The following LAMA2 variants were observed in gnomAD, a reference collection of about 807,000 sequenced individuals.
The protein encoded by LAMA2 is laminin subunit alpha-2.
LAMA2 carries 269 observed loss-of-function variants against 364.8 expected under a neutral mutation model. The observed-to-expected ratio is 0.74, with a 90% confidence interval of 0.67 to 0.82. The LOEUF is 0.82. LAMA2 is among the 40% of genes least tolerant of loss of function. The pLI, the probability that LAMA2 is intolerant of heterozygous loss-of-function variation, is 0.00. For synonymous variants in LAMA2, 1,379 were observed against 1,370.6 expected, an observed-to-expected ratio of 1.01 and a Z score of -0.14; for missense variants, 3,807 against 3,873.2, an observed-to-expected ratio of 0.98 and a Z score of 0.45.
chr6:129,154,327 G>A (rs1210510983), intron 7 of LAMA2, among the ~76,000 whole-genome samples, 178 bp from the exon 8 acceptor site: 3 of 152,048 alleles, frequency 2.0e-5, no homozygotes, highest in African/African-American at 4.8e-5. Context: ...CAGGAGGATT[G>A]CTTGAACCTG....
chr6:129,229,851 G>T (rs1784566749), intron 12 of LAMA2, among the ~76,000 whole-genome samples: 1 of 152,138 alleles, frequency 6.6e-6, no homozygotes, highest in African/African-American at 2.4e-5. Context: ...GAAGACTGTG[G>T]TAAAAACAAA....
At position 129,320,630 on chromosome 6, in the gene LAMA2, T is replaced by G; in HGVS notation, c.4151T>G (p.Leu1384Arg). The G allele has an allele frequency of 6.2e-7, 1 of 1,611,330 alleles. No individual in the cohort carries two copies. Among genetic ancestry groups the G allele is most frequent in the East Asian group, 2.2e-5 (1 of 44,856 alleles). Residue 1384 changes from leucine to arginine, a missense_variant, in exon 28 of 65, where the codon CTG becomes CGG. By Grantham distance (102) the Leu-to-Arg change is moderately radical. Around this residue, in one of 3 missense-constraint regions of LAMA2, gnomAD observed 3,333 missense variants for 3,345.7 expected, o/e 1.00. Transcript: ENST00000421865. ...TTGATTGAAAAATGTGATTGTCCCC[T>G]GGGCTATTCTGGCCTGTCCTGTGAG... ...ADLIEKCDCP[L>R]GYSGLSCEAC... is the part of the protein sequence containing the mutation.
chr6:129,091,752 A>G (rs913307378), intron 3 of LAMA2, among the ~76,000 whole-genome samples: 9 of 152,238 alleles, frequency 5.9e-5, no homozygotes, highest in African/African-American at 2.2e-4. Context: ...GTAAACTTAT[A>G]AGGGGACATA....
At chr6:129,077,236 A>G (rs1773722846) in intron 3 of LAMA2, among the ~76,000 whole-genome samples, 2 of 152,160 alleles carry the variant, frequency 1.3e-5, no homozygotes, top group South Asian at 4.1e-4. Context: ...TTTTCCATCC[A>G]TCATTGTGAA....
At chr6:129,034,862 C>T (rs1258523458) in intron 1 of LAMA2, among the ~76,000 whole-genome samples, 4 of 152,110 alleles carry the variant, frequency 2.6e-5, no homozygotes, top group Admixed American at 2.0e-4. Flanking sequence ...ACCACATTTT[C>T]TTTGTCCAAC....
In LAMA2 at chr6:129,366,269, G is replaced by A. The variant is rs143206604; in HGVS notation, c.4768G>A (p.Glu1590Lys). ...TCTTCTCGGTGACTTGGCTCGCCTG[G>A]AGCAGATGGTCATGAGCATCAACCT... The part of the protein sequence containing the change: ...GLLLGDLARL[E>K]QMVMSINLTG... The change falls in exon 33 of 65, where the codon GAG becomes AAG. Residue 1590 changes from glutamate (E) to lysine (K), a missense_variant. Transcript: ENST00000421865. The A allele has an allele frequency of 1.4e-5, 23 of 1,613,852 alleles. No individual in the cohort carries two copies. In the African/African-American group the frequency reaches 3.1e-4, roughly 22 times the overall value.
chr6:129,379,025 C>A (rs1583611184), intron 34 of LAMA2, among the ~76,000 whole-genome samples: 1 of 152,216 alleles, frequency 6.6e-6, no homozygotes, highest in African/African-American at 2.4e-5. Context: ...ACTATGCAGC[C>A]ATAAAAAAGA....
At chr6:129,179,498 G>A (rs904190661) in intron 10 of LAMA2, among the ~76,000 whole-genome samples, 1 of 152,168 alleles carries the variant, frequency 6.6e-6, no homozygotes, top group African/African-American at 2.4e-5. Context: ...GAGAGCTGTA[G>A]TGATTAGCAG....
At chr6:129,495,286 A>G (rs1354472964) in intron 58 of LAMA2, among the ~76,000 whole-genome samples, 1 of 152,110 alleles carries the variant, frequency 6.6e-6, no homozygotes, top group Non-Finnish European at 1.5e-5. Flanking sequence ...GAAAATAGCT[A>G]AGTCTTCTCC....
intron 12 of LAMA2, among the ~76,000 whole-genome samples, chr6:129,232,211 G>A (rs1417991951): frequency 2.0e-5 from 3 of 152,020 alleles, no homozygotes; most frequent in Non-Finnish European, 4.4e-5. Context: ...CTCACTTTAA[G>A]TTTTACTAAA....
At position 129,164,655 on chromosome 6, in the gene LAMA2, G is replaced by T. The variant is rs115311528; in HGVS notation, c.1207-921G>T. On this transcript the variant is annotated intron_variant, in intron 8 of 64. Coordinates refer to ENST00000421865, the MANE Select transcript of LAMA2 (RefSeq NM_000426.4). ...ACATTTCTAATGTAGTTAACTTAAA[G>T]TCTGAATTCTCTTTACTTTATGGTT... Among the ~76,000 whole-genome samples the T allele has an allele frequency of 2.3e-3, 343 of 152,302 alleles. 1 individual carries two copies. Among genetic ancestry groups the T allele is most frequent in the African/African-American group, 7.3e-3 (303 of 41,570 alleles).
At position 129,260,839 on chromosome 6, in the gene LAMA2, G is replaced by A. The variant is rs376681837; in HGVS notation, c.2208+17G>A. 1.6e-5 allele frequency: 22 copies of A among 1,408,710 alleles called. No individual in the cohort carries two copies. In the African/African-American group the frequency reaches 2.8e-4, roughly 18 times the overall value. 87.3% of individuals were successfully genotyped at this position (1,408,710 alleles called of 1,614,324 possible). On this transcript the variant is annotated intron_variant, in intron 15 of 64. Coordinates refer to ENST00000421865, the MANE Select transcript of LAMA2 (RefSeq NM_000426.4). Reference sequence around the variant, plus strand: ...TCTTGTGAAGTAAGCTTGCAAGAATGTATCCTTAGTGCTTTCAAAGTTCCC... The same window carrying A: ...TCTTGTGAAGTAAGCTTGCAAGAATATATCCTTAGTGCTTTCAAAGTTCCC...
At chr6:129,491,448 A>C (rs1725122636) in intron 56 of LAMA2, among the ~76,000 whole-genome samples, 1 of 152,208 alleles carries the variant, frequency 6.6e-6, no homozygotes, top group African/African-American at 2.4e-5. Flanking sequence ...AAGGTGCTTT[A>C]AGTGTTTGCT....
intron 1 of LAMA2, among the ~76,000 whole-genome samples, chr6:128,980,680 T>C (rs1782809867): frequency 6.6e-6 from 1 of 152,200 alleles, no homozygotes; most frequent in Non-Finnish European, 1.5e-5. Flanking sequence ...TAAAACTATT[T>C]TTGCCAGCTG....
At position 129,144,055 on chromosome 6, in the gene LAMA2, A is replaced by C; in HGVS notation, c.794A>C (p.Glu265Ala). The stretch of plus-strand genomic sequence containing the variant: ...ATGTTTGCTCACAAAGACCCAAGAG[A>C]AATTGACCCCATTGTCACCAGAAGA... ...LMMFAHKDPREIDPIVTRRYY... is the reference protein window; with the variant it reads ...LMMFAHKDPRAIDPIVTRRYY... Residue 265 changes from glutamate to alanine, a missense_variant, in exon 5 of 65, where the codon GAA becomes GCA. Around this residue, in one of 3 missense-constraint regions of LAMA2, gnomAD observed 394 missense variants for 403.5 expected, o/e 0.98. Transcript: ENST00000421865. 1 of 1,612,480 alleles carries C rather than the reference A, an allele frequency of 6.2e-7. No homozygotes were observed. The highest frequency in any genetic ancestry group is 8.5e-7 in the Non-Finnish European group (1 of 1,178,930).
chr6:129,126,210 A>G (rs1777108308), intron 4 of LAMA2, among the ~76,000 whole-genome samples: 1 of 152,220 alleles, frequency 6.6e-6, no homozygotes, highest in Non-Finnish European at 1.5e-5. Flanking sequence ...GAGAACCAGA[A>G]AAACAATTAT....
Position 129,438,617 on chromosome 6 carries a change from T to C in LAMA2, c.5969-29T>C, listed in dbSNP as rs527471388. Reference sequence around the variant, plus strand: ...AAGCTCAGGGATGATAAAACTTATTTAATCCTTTTTTTTGTTTTTTATTCG... The same window carrying C: ...AAGCTCAGGGATGATAAAACTTATTCAATCCTTTTTTTTGTTTTTTATTCG... On this transcript the variant is annotated intron_variant, in intron 41 of 64. Transcript: ENST00000421865. 3.6e-6 allele frequency: 4 copies of C among 1,112,688 alleles called. No individual in the cohort carries two copies. The South Asian group carries it at 4.9e-5, about 14-fold the overall frequency. 68.9% of individuals were successfully genotyped at this position (1,112,688 alleles called of 1,614,324 possible).
At chr6:129,444,612 T>C (rs1475381606) in intron 44 of LAMA2, among the ~76,000 whole-genome samples, 3 of 152,206 alleles carry the variant, frequency 2.0e-5, no homozygotes, top group Non-Finnish European at 4.4e-5. Flanking sequence ...AAGTCATACT[T>C]ATGAGTTCAA....
intron 32 of LAMA2, among the ~76,000 whole-genome samples, chr6:129,364,286 A>G (rs111848238): frequency 1.2e-3 from 180 of 152,300 alleles, no homozygotes; most frequent in African/African-American, 3.9e-3. Context: ...TCTCTCCATT[A>G]AGCAGCTCAG....
Sources: gnomAD v4.1 joint callset for allele counts (sites outside exome capture counted in the v4.1 genomes callset) on GRCh38, gnomAD v4.1.1 for gene constraint, gnomAD v4.1.1 regional missense constraint, MANE v1.5 for transcripts, NCBI Gene and HGNC (gene_info 2026-07-23, HGNC 2026-07-21) for gene names.